Variants in PIK3R3 observed in about 807,000 individuals in gnomAD.
The protein encoded by PIK3R3 is phosphoinositide-3-kinase regulatory subunit 3.
PIK3R3 carries 64 observed loss-of-function variants against 62.9 expected under a neutral mutation model. The ratio of observed to expected loss-of-function variants is 1.02; its 90% CI spans 0.83 to 1.25. The LOEUF is 1.25. PIK3R3 is among the 50% of genes most tolerant of loss of function. The pLI, the probability that PIK3R3 is intolerant of heterozygous loss-of-function variation, is 0.00. For missense variants in PIK3R3, 614 were observed against 561.6 expected (o/e 1.09, Z -0.94); for synonymous variants, 165 against 189.0 (o/e 0.87, Z 1.04).
chr1:46,158,502 A>G, the PIK3R3 span, among the ~76,000 whole-genome samples: 1 of 152,206 alleles, frequency 6.6e-6, no homozygotes, highest in Non-Finnish European at 1.5e-5. Context: ...CTGAACTCCT[A>G]GAGCACTGCA....
At chr1:46,138,715 C>T in the PIK3R3 span, among the ~76,000 whole-genome samples, 1 of 152,252 alleles carries the variant, frequency 6.6e-6, no homozygotes, top group Non-Finnish European at 1.5e-5. Flanking sequence ...TTCTTGAAAT[C>T]TGGGAAAATG....
intron 1 of PIK3R3, among the ~76,000 whole-genome samples, chr1:46,088,326 T>C (rs1334005855): frequency 6.6e-6 from 1 of 151,808 alleles, no homozygotes; most frequent in Non-Finnish European, 1.5e-5. Flanking sequence ...CAACAGACAT[T>C]TGAGGAAAGC....
At chr1:46,045,616 G>GTTTTTTTTTTTTTTTTTTTTTTT (rs1357786582) in intron 9 of PIK3R3, among the ~76,000 whole-genome samples, 1 of 16,532 alleles carries the variant, frequency 6.0e-5, no homozygotes. Context: ...ACAATTAAGT[G>GTTTTTTTTTTTTTTTTTTTTTTT]CTTTTTTTTT....
At chr1:46,091,392 C>CG (rs1651619105) in intron 1 of PIK3R3, among the ~76,000 whole-genome samples, 1 of 151,966 alleles carries the variant, frequency 6.6e-6, no homozygotes, top group Non-Finnish European at 1.5e-5. Flanking sequence ...CCACCTGCCT[C>CG]GGCCTCCCAA....
chr1:46,094,728 T>C (rs1172028095), intron 1 of PIK3R3, among the ~76,000 whole-genome samples: 1 of 152,228 alleles, frequency 6.6e-6, no homozygotes, highest in African/African-American at 2.4e-5. Flanking sequence ...TTAGTAACAC[T>C]AACCCCTTCC....
chr1:46,054,681 A>G (rs1406187120), intron 7 of PIK3R3, among the ~76,000 whole-genome samples: 1 of 152,166 alleles, frequency 6.6e-6, no homozygotes, highest in Non-Finnish European at 1.5e-5. Context: ...TTCCTTTCTC[A>G]TGCATTCTGT....
chr1:46,043,609 A>T lies in PIK3R3; in HGVS notation c.*64T>A. 7.3e-7 allele frequency: 1 copy of T among 1,360,640 alleles called. No individual in the cohort carries two copies. Among genetic ancestry groups the T allele is most frequent in the Non-Finnish European group, 1.0e-6 (1 of 953,060 alleles). The allele number at this position is 1,360,640 out of a possible 1,614,324, so 84.3% of individuals were successfully genotyped here. ...CAGTCTATGTAGAAAGAATGCCCTCATCGTAGTCTAATAAAAACTGTAGAA... is the reference window on the plus strand; with the variant it reads ...CAGTCTATGTAGAAAGAATGCCCTCTTCGTAGTCTAATAAAAACTGTAGAA... On this transcript the variant is annotated 3_prime_UTR_variant, in exon 10 of 10. Coordinates refer to ENST00000262741, the MANE Select transcript of PIK3R3 (RefSeq NM_003629.4).
chr1:46,045,644 T>TTTTTTTTTTTTTTTTTTTTTTTTTTC lies in PIK3R3; in HGVS notation c.1187+273_1187+274insGAAAAAAAAAAAAAAAAAAAAAAAAA, dbSNP rs370501368. 2.1e-4 allele frequency among the ~76,000 whole-genome samples: 17 copies of TTTTTTTTTTTTTTTTTTTTTTTTTTC among 82,680 alleles called. 1 individual carries two copies. Among genetic ancestry groups the TTTTTTTTTTTTTTTTTTTTTTTTTTC allele is most frequent in the East Asian group, 4.6e-4 (1 of 2,182 alleles). 54.2% of individuals were successfully genotyped at this position (82,680 alleles called of 152,430 possible). On this transcript the variant is annotated intron_variant, in intron 9 of 9. Coordinates refer to ENST00000262741, the MANE Select transcript of PIK3R3 (RefSeq NM_003629.4). Reference sequence around the variant, plus strand: ...TTTTTTTTTTTTTTTTTTTTTTTTTTCAATTTAAGATCTCACATTACCTTT... The same window carrying TTTTTTTTTTTTTTTTTTTTTTTTTTC: ...TTTTTTTTTTTTTTTTTTTTTTTTTTTTTTTTTTTTTTTTTTTTTTTTTTTCCAATTTAAGATCTCACATTACCTTT...
At chr1:46,124,285 C>T (rs1232057672) in intron 1 of PIK3R3, among the ~76,000 whole-genome samples, 2 of 152,086 alleles carry the variant, frequency 1.3e-5, no homozygotes, top group African/African-American at 4.8e-5. Context: ...GAGAGGTTTT[C>T]TCTGGGCAGG....
intron 1 of PIK3R3, chr1:46,105,168 A>C (rs1195110421): frequency 1.6e-6 from 1 of 625,068 alleles, no homozygotes; most frequent in African/African-American, 1.8e-5. Context: ...GAATGGAGAG[A>C]TCAGTAATCA....
intron 6 of PIK3R3, among the ~76,000 whole-genome samples, chr1:46,060,405 G>A (rs991737458): frequency 2.0e-5 from 3 of 150,292 alleles, no homozygotes; most frequent in Non-Finnish European, 4.4e-5. Flanking sequence ...TACAAGAATC[G>A]CTTGAACCCA....
chr1:46,110,882 T>TA (rs397783781), intron 1 of PIK3R3, among the ~76,000 whole-genome samples: 21 of 151,462 alleles, frequency 1.4e-4, no homozygotes, highest in Admixed American at 5.9e-4. Context: ...TTTTTTTTTT[T>TA]AATTTTCCCA....
In PIK3R3 at chr1:46,042,418, G is replaced by GA. The variant is rs1647013722; in HGVS notation, c.*1254dup. The GA allele has an allele frequency of 8.8e-6, 2 of 227,934 alleles. No individual in the cohort carries two copies. Among genetic ancestry groups the GA allele is most frequent in the Non-Finnish European group, 1.7e-5 (2 of 114,602 alleles). 14.1% of individuals were successfully genotyped at this position (227,934 alleles called of 1,614,324 possible). ...ATCTTCTCTCCCTGCAAAAGCTTCA[G>GA]AAACCACTGTATGGAAGCACATGTG... On this transcript the variant is annotated 3_prime_UTR_variant, in exon 10 of 10. Transcript: ENST00000262741. This position sits in a 1 kb window ranked among gnomAD's most constrained non-coding sequence, Gnocchi z 4.3.
At chr1:46,151,554 G>A in the PIK3R3 span, among the ~76,000 whole-genome samples, 265 of 152,230 alleles carry the variant, frequency 1.7e-3, 2 homozygotes, top group African/African-American at 5.8e-3. Context: ...ACCAGCCTGG[G>A]CAACATAATG....
chr1:46,160,375 A>G, the PIK3R3 span, among the ~76,000 whole-genome samples: 2 of 152,382 alleles, frequency 1.3e-5, no homozygotes, highest in African/African-American at 2.4e-5. Flanking sequence ...CGATTCTGTA[A>G]CAAATTAGGC....
the PIK3R3 span, among the ~76,000 whole-genome samples, chr1:46,167,140 G>A: frequency 6.6e-6 from 1 of 152,264 alleles, no homozygotes; most frequent in Non-Finnish European, 1.5e-5. Flanking sequence ...GGGCCCTGGC[G>A]ACCTTGGGTC....
intron 3 of PIK3R3, among the ~76,000 whole-genome samples, chr1:46,075,432 C>A (rs549598570): frequency 6.6e-6 from 1 of 152,072 alleles, no homozygotes; most frequent in Non-Finnish European, 1.5e-5. Context: ...CTGGGCAACA[C>A]AGGGAGACTC....
chr1:46,098,681 CT>C (rs890996663), intron 1 of PIK3R3, among the ~76,000 whole-genome samples: 3 of 152,126 alleles, frequency 2.0e-5, no homozygotes, highest in African/African-American at 7.2e-5. Context: ...TTGCCACAGA[CT>C]GAGGCTAAGA....
At chr1:46,174,888 C>T in the PIK3R3 span, among the ~76,000 whole-genome samples, 2 of 151,988 alleles carry the variant, frequency 1.3e-5, no homozygotes, top group Admixed American at 6.6e-5. Flanking sequence ...CAGAATCTCA[C>T]CCTTCTCCAT....
Sources: allele counts gnomAD v4.1 joint callset (sites outside exome capture counted in the v4.1 genomes callset), GRCh38; gene constraint gnomAD v4.1.1; non-coding constraint Gnocchi (gnomAD v3.1); transcripts MANE v1.5; gene names NCBI Gene and HGNC (gene_info 2026-07-23, HGNC 2026-07-21).